CADM1: variants seen among roughly 807,000 people sequenced by gnomAD.
The protein encoded by CADM1 is TSLC-1.
Under a neutral mutation model 53.1 loss-of-function variants are expected in CADM1, and 15 were observed. The observed-to-expected ratio is 0.28, with a 90% CI of 0.19 to 0.44. The LOEUF (loss-of-function observed/expected upper bound fraction) is 0.44, where lower values mean the gene tolerates loss of function less well. Among genes scored for constraint, CADM1 ranks in the 20% least tolerant of loss-of-function variants. The probability of loss-of-function intolerance (pLI) is 1.00; values close to 1 mark genes in which losing one functional copy is unlikely to be tolerated. For synonymous variants in CADM1, 281 were observed against 243.0 expected (o/e 1.16, Z -1.45); for missense variants, 434 against 611.3 (o/e 0.71, Z 3.06).
intron 8 of CADM1, among the ~76,000 whole-genome samples, chr11:115,201,397 C>T (rs1940422255): frequency 1.3e-5 from 2 of 152,184 alleles, no homozygotes; most frequent in East Asian, 3.8e-4. Context: ...ACCACGATGA[C>T]AGAATCTAAT....
intron 1 of CADM1, among the ~76,000 whole-genome samples, chr11:115,434,866 T>TA (rs1390538816): frequency 2.1e-5 from 3 of 146,266 alleles, no homozygotes; most frequent in Non-Finnish European, 3.0e-5. Context: ...TATTATTATT[T>TA]TTTTTTTTTT....
In CADM1 at chr11:115,186,257, T is replaced by C. The variant is rs139818231; in HGVS notation, c.1165+4631A>G. On this transcript the variant is annotated intron_variant, in intron 10 of 11. Transcript: ENST00000331581. ...AGGGTCACCTCCCAGGGGAAACTGA[T>C]CCCATAATTTAGGGGAATCAGTGGG... Among the ~76,000 whole-genome samples, 538 of 152,264 alleles carry C rather than the reference T, an allele frequency of 3.5e-3. 4 individuals carry two copies. The highest frequency in any genetic ancestry group is 0.013 in the African/African-American group (524 of 41,554).
intron 1 of CADM1, among the ~76,000 whole-genome samples, chr11:115,338,890 T>TA (rs1945342324): frequency 5.8e-5 from 7 of 120,768 alleles, no homozygotes; most frequent in Admixed American, 1.6e-4. Flanking sequence ...TTTTTTTTTT[T>TA]AATTTTTTTT....
chr11:115,269,301 C>T (rs1215928331), intron 1 of CADM1, among the ~76,000 whole-genome samples: 3 of 152,134 alleles, frequency 2.0e-5, no homozygotes, highest in Non-Finnish European at 4.4e-5. Flanking sequence ...AGACAAGCTA[C>T]CGACCTGAGA....
At chr11:115,248,876 C>A (rs769692582) in intron 1 of CADM1, among the ~76,000 whole-genome samples, 1 of 152,160 alleles carries the variant, frequency 6.6e-6, no homozygotes, top group African/African-American at 2.4e-5. Context: ...GTGGAAGAGT[C>A]ATTTTAAGCC....
At chr11:115,284,674 GATTA>G (rs1330022898) in intron 1 of CADM1, among the ~76,000 whole-genome samples, 1 of 152,114 alleles carries the variant, frequency 6.6e-6, no homozygotes, top group South Asian at 2.1e-4. Context: ...CAGTCACTCT[GATTA>G]ATTTTTTTTA....
intron 1 of CADM1, among the ~76,000 whole-genome samples, chr11:115,441,224 G>A (rs1264018483): frequency 6.6e-6 from 1 of 152,070 alleles, no homozygotes; most frequent in East Asian, 1.9e-4. Flanking sequence ...CATGCTGGCT[G>A]AGGGCTTCTC....
intron 1 of CADM1, among the ~76,000 whole-genome samples, chr11:115,338,157 C>T (rs1294988871): frequency 6.6e-6 from 1 of 152,128 alleles, no homozygotes; most frequent in African/African-American, 2.4e-5. Context: ...ACCATCATAA[C>T]AGCTAACACA....
At chr11:115,385,407 C>A (rs1946675332) in intron 1 of CADM1, among the ~76,000 whole-genome samples, 1 of 152,126 alleles carries the variant, frequency 6.6e-6, no homozygotes, top group East Asian at 1.9e-4. Flanking sequence ...CTGTTCATTT[C>A]TCTCAAGAGT....
chr11:115,502,316 C>A (rs879839233), intron 1 of CADM1, among the ~76,000 whole-genome samples: 3 of 150,474 alleles, frequency 2.0e-5, no homozygotes, highest in Non-Finnish European at 4.4e-5. Flanking sequence ...CAGCTTTCCA[C>A]CGCCCCCCGG....
At chr11:115,493,165 C>G (rs1034869126) in intron 1 of CADM1, among the ~76,000 whole-genome samples, 1 of 151,204 alleles carries the variant, frequency 6.6e-6, no homozygotes, top group African/African-American at 2.4e-5. Context: ...TACAAAAGAG[C>G]TTAAAAATTA....
At chr11:115,267,214 G>A (rs1223513737) in intron 1 of CADM1, among the ~76,000 whole-genome samples, 1 of 152,244 alleles carries the variant, frequency 6.6e-6, no homozygotes, top group Non-Finnish European at 1.5e-5. Flanking sequence ...TTGAGTGCTT[G>A]AGGGCAAATG....
chr11:115,467,153 T>C (rs1271478056), intron 1 of CADM1, among the ~76,000 whole-genome samples: 1 of 152,234 alleles, frequency 6.6e-6, no homozygotes, highest in Admixed American at 6.5e-5. Flanking sequence ...TGTTCTCTGA[T>C]GAAGACACTC....
At chr11:115,187,589 T>A (rs926085708) in intron 10 of CADM1, among the ~76,000 whole-genome samples, 3 of 152,130 alleles carry the variant, frequency 2.0e-5, no homozygotes, top group African/African-American at 7.2e-5. Flanking sequence ...TATAGGTGCA[T>A]GCCACCACGC....
Position 115,229,251 on chromosome 11 carries a change from A to C in CADM1, c.583T>G (p.Trp195Gly), listed in dbSNP as rs757286424. ...CTGGTCACAGTGTACATGTCTGACC[A>C]CTCTTCCACCTCCGATTTGCCTGGG... ...ELKGKSEVEE[W>G]SDMYTVTSQL... Residue 195 changes from tryptophan to glycine, a missense_variant, in exon 5 of 12, where the codon TGG (tryptophan) becomes GGG (glycine). Physicochemically the swap from Trp to Gly is radical, Grantham distance 184. Coordinates refer to ENST00000331581, the MANE Select transcript of CADM1 (RefSeq NM_001301043.2). 2 of 1,613,988 alleles carry C rather than the reference A, an allele frequency of 1.2e-6. No individual in the cohort carries two copies. The highest frequency in any genetic ancestry group is 2.2e-5 in the South Asian group (2 of 91,072).
intron 1 of CADM1, among the ~76,000 whole-genome samples, chr11:115,362,238 C>A (rs1946048294): frequency 6.6e-6 from 1 of 152,122 alleles, no homozygotes; most frequent in Admixed American, 6.6e-5. Context: ...GCCTAAGAAG[C>A]ACTTAGTATA....
At chr11:115,188,790 T>C (rs558132883) in intron 10 of CADM1, among the ~76,000 whole-genome samples, 1 of 152,340 alleles carries the variant, frequency 6.6e-6, no homozygotes, top group South Asian at 2.1e-4. Context: ...TCATCCTTTC[T>C]CAATCAATAT....
chr11:115,244,804 G>A (rs1416903238), intron 1 of CADM1, among the ~76,000 whole-genome samples: 2 of 152,088 alleles, frequency 1.3e-5, no homozygotes, highest in Non-Finnish European at 2.9e-5. Flanking sequence ...ATTTTATCCA[G>A]AACACAATTA....
intron 1 of CADM1, among the ~76,000 whole-genome samples, chr11:115,450,539 T>C (rs745735301): frequency 2.0e-5 from 3 of 152,218 alleles, no homozygotes; most frequent in Non-Finnish European, 4.4e-5. Context: ...GCCAATTCAT[T>C]TTGTTAACTG....
Sources: gnomAD v4.1 joint callset for allele counts (sites outside exome capture counted in the v4.1 genomes callset) on GRCh38, gnomAD v4.1.1 for gene constraint, MANE v1.5 for transcripts, NCBI Gene and HGNC (gene_info 2026-07-23, HGNC 2026-07-21) for gene names.